DOCK11: variants seen among roughly 807,000 people sequenced by gnomAD.
The protein encoded by DOCK11 is dedicator of cytokinesis protein 11.
Under a neutral mutation model 169.1 loss-of-function variants are expected in DOCK11, and 70 were observed. That is an observed-to-expected ratio of 0.41 (90% confidence interval 0.34 to 0.51). The LOEUF is 0.51. Ranked by LOEUF, DOCK11 falls within the 20% of genes least tolerant of loss-of-function variation. The pLI is 0.10. For synonymous variants in DOCK11, 529 were observed against 541.3 expected (o/e 0.98, Z 0.32); for missense variants, 1,166 against 1,538.8 (o/e 0.76, Z 4.05).
chrX:118,647,993 A>AT (rs2015805621), intron 40 of DOCK11, among the ~76,000 whole-genome samples: 1 of 49,194 alleles, frequency 2.0e-5, no homozygotes, highest in African/African-American at 8.5e-5. Flanking sequence ...ATAATAATAT[A>AT]TAATATATTA....
Position 118,671,045 on chromosome X carries a change from A to G in DOCK11, c.5099A>G (p.Glu1700Gly). The G allele has an allele frequency of 8.3e-7, 1 of 1,198,823 alleles. No homozygotes were observed. The highest frequency in any genetic ancestry group is 1.8e-5 in the South Asian group (1 of 54,221). The change falls in exon 46 of 53, where the codon GAA becomes GGA. Residue 1700 changes from glutamate to glycine, a missense_variant. Coordinates refer to ENST00000276202, the MANE Select transcript of DOCK11 (RefSeq NM_144658.4). Reference sequence around the variant, plus strand: ...CAGGAGGTCTTGCTGGAGTTGCTAGAACAATGTGTGGATGGCTTATGGAAG... The same window carrying G: ...CAGGAGGTCTTGCTGGAGTTGCTAGGACAATGTGTGGATGGCTTATGGAAG... ...YSEEVLLELLEQCVDGLWKAE... is the reference protein window; with the variant it reads ...YSEEVLLELLGQCVDGLWKAE...
At chrX:118,577,014 G>T (rs1425936361) in intron 12 of DOCK11, among the ~76,000 whole-genome samples, 1 of 112,567 alleles carries the variant, frequency 8.9e-6, no homozygotes, top group Non-Finnish European at 1.9e-5. Flanking sequence ...CATGGGCTGT[G>T]TAATCTGGAA....
chrX:118,589,040 T>C (rs1268520580), intron 18 of DOCK11, among the ~76,000 whole-genome samples: 1 of 111,900 alleles, frequency 8.9e-6, no homozygotes, highest in Non-Finnish European at 1.9e-5. Context: ...ATCAGGGACC[T>C]GAAAGAGAAG....
Position 118,564,364 on chromosome X carries a change from T to A in DOCK11, c.694-1641T>A, listed in dbSNP as rs1255650748. On this transcript the variant is annotated intron_variant, in intron 7 of 52. Transcript: ENST00000276202. ...ACTTTCTTGGTTCCTTCTTGAATAA[T>A]GACCATGCAGTGGAAAATTATTGAT... Among the ~76,000 whole-genome samples the A allele has an allele frequency of 1.1e-4, 12 of 112,901 alleles. No individual in the cohort carries two copies. The Admixed American group carries it at 1.1e-3, about 11-fold the overall frequency.
intron 1 of DOCK11, among the ~76,000 whole-genome samples, chrX:118,503,009 G>A (rs1326807972): frequency 9.1e-6 from 1 of 109,583 alleles, no homozygotes; most frequent in Non-Finnish European, 1.9e-5. Flanking sequence ...GTTGGGAGAA[G>A]AGCCTGGAGG....
Position 118,680,629 on chromosome X carries a change from A to G in DOCK11, c.5608A>G (p.Thr1870Ala), listed in dbSNP as rs1418018601. 2 of 1,210,837 alleles carry G rather than the reference A, an allele frequency of 1.7e-6. No homozygotes were observed. Among genetic ancestry groups the G allele is most frequent in the Non-Finnish European group, 2.2e-6 (2 of 895,001 alleles). ...CAGATTTGTTTTTGAGGCCCCTTAC[A>G]CTTTATCAGGCAAAAAACAGGGCTG... ...ISRFVFEAPY[T>A]LSGKKQGCIE... is the part of the protein sequence containing the mutation. Residue 1870 changes from threonine (T) to alanine (A), a missense_variant, in exon 49 of 53, where the codon ACT (threonine) becomes GCT (alanine). By Grantham distance (58) the Thr-to-Ala change is moderately conservative. Coordinates refer to ENST00000276202, the MANE Select transcript of DOCK11 (RefSeq NM_144658.4).
At chrX:118,668,334 C>G (rs867761341) in intron 45 of DOCK11, among the ~76,000 whole-genome samples, 57 of 110,874 alleles carry the variant, frequency 5.1e-4, no homozygotes, top group Admixed American at 4.5e-3. Context: ...ATGCTTTTTT[C>G]TTGCATCTAT....
intron 40 of DOCK11, among the ~76,000 whole-genome samples, chrX:118,647,811 A>G (rs2015770466): frequency 1.9e-5 from 1 of 51,948 alleles, no homozygotes; most frequent in Non-Finnish European, 3.1e-5. Context: ...ATAATAATAT[A>G]TATTATATTA....
intron 44 of DOCK11, among the ~76,000 whole-genome samples, chrX:118,655,417 C>T (rs780889665): frequency 1.8e-5 from 2 of 111,982 alleles, no homozygotes; most frequent in Non-Finnish European, 3.8e-5. Flanking sequence ...TTAAACTCTT[C>T]TCAAGGCTCA....
chrX:118,624,756 T>A, intron 32 of DOCK11, 101 bp downstream of exon 32: 4 of 179,983 alleles, frequency 2.2e-5, no homozygotes, highest in African/African-American at 4.9e-5. Context: ...AGAGTTCACT[T>A]TTTTTTTTTT....
intron 23 of DOCK11, among the ~76,000 whole-genome samples, chrX:118,601,181 T>C (rs2014326349): frequency 9.0e-6 from 1 of 111,173 alleles, no homozygotes; most frequent in Admixed American, 9.5e-5. Context: ...CCCAGCACCT[T>C]GGGAGGCCCA....
intron 14 of DOCK11, among the ~76,000 whole-genome samples, chrX:118,581,805 TAAAAAAAAAAA>T (rs35095116): frequency 1.3e-3 from 16 of 12,742 alleles, no homozygotes; most frequent in African/African-American, 3.7e-3. Flanking sequence ...CTCCGTCTCC[TAAAAAAAAAAA>T]AAAAAAAAAA....
Position 118,643,509 on chromosome X carries a change from A to T in DOCK11, c.4313A>T (p.Asp1438Val), listed in dbSNP as rs964583740. Residue 1438 changes from aspartate to valine, a missense_variant, in exon 40 of 53, where the codon GAT becomes GTT. Asp to Val is a radical substitution (Grantham distance 152, BLOSUM62 -3). Coordinates refer to ENST00000276202, the MANE Select transcript of DOCK11 (RefSeq NM_144658.4). Reference protein sequence around the residue: ...GHNPLMKKVFDIHLAFLKNGQ... With the variant: ...GHNPLMKKVFVIHLAFLKNGQ... ...AACCCATTAATGAAAAAAGTGTTTG[A>T]TATACATCTTGCTTTTCTTAAAAAT... is the stretch of plus-strand genomic sequence containing the variant. 1 of 1,208,393 alleles carries T rather than the reference A, an allele frequency of 8.3e-7. No homozygotes were observed. The highest frequency in any genetic ancestry group is 1.7e-5 in the African/African-American group (1 of 57,183).
At chrX:118,549,578 C>T (rs1603053060) in intron 6 of DOCK11, among the ~76,000 whole-genome samples, 1 of 111,869 alleles carries the variant, frequency 8.9e-6, no homozygotes, top group Middle Eastern at 4.6e-3. Context: ...GTTTTTGAGA[C>T]AGTCTCACTG....
At chrX:118,579,953 C>T (rs958404654) in intron 13 of DOCK11, 144 bp from the exon 14 acceptor site, 1 of 415,863 alleles carries the variant, frequency 2.4e-6, no homozygotes, top group Non-Finnish European at 4.0e-6. Flanking sequence ...CTGGCTGATG[C>T]ATGTTATTCT....
chrX:118,525,798 A>G (rs2011362513), intron 1 of DOCK11, among the ~76,000 whole-genome samples: 1 of 103,984 alleles, frequency 9.6e-6, no homozygotes, highest in African/African-American at 3.5e-5. Flanking sequence ...TTTGTGCTAG[A>G]AAACTCTGGG....
chrX:118,608,793 C>T lies in DOCK11; in HGVS notation c.2877+437C>T, dbSNP rs566561596. Among the ~76,000 whole-genome samples the T allele has an allele frequency of 1.4e-4, 16 of 111,258 alleles. No homozygotes were observed. In the South Asian group the frequency reaches 3.8e-3, roughly 26 times the overall value. ...ACTTCTTTTATTAATGGTAGAATTT[C>T]GAGTATCTTGGAGTATATCTGATTG... On this transcript the variant is annotated intron_variant, in intron 26 of 52. Transcript: ENST00000276202.
chrX:118,518,207 T>C (rs1269621918), intron 1 of DOCK11, among the ~76,000 whole-genome samples: 1 of 112,055 alleles, frequency 8.9e-6, no homozygotes, highest in Non-Finnish European at 1.9e-5. Flanking sequence ...GAATTACTTA[T>C]GAATTATGAG....
intron 46 of DOCK11, among the ~76,000 whole-genome samples, chrX:118,675,546 G>A (rs867395252): frequency 1.8e-5 from 2 of 109,125 alleles, no homozygotes; most frequent in African/African-American, 3.3e-5. Context: ...CATGGACACA[G>A]AGAGGGGAAC....
Sources: gnomAD v4.1 joint callset for allele counts (sites outside exome capture counted in the v4.1 genomes callset) on GRCh38, gnomAD v4.1.1 for gene constraint, MANE v1.5 for transcripts, NCBI Gene and HGNC (gene_info 2026-07-23, HGNC 2026-07-21) for gene names.